MINDY2: variants seen among roughly 807,000 people sequenced by gnomAD.
MINDY2 encodes MINDY lysine 48 deubiquitinase 2.
A neutral mutation model predicts 68.2 loss-of-function variants in MINDY2; 52 were observed. The ratio of observed to expected loss-of-function variants is 0.76; its 90% CI spans 0.61 to 0.96. The LOEUF (loss-of-function observed/expected upper bound fraction) is 0.96, where lower values mean the gene tolerates loss of function less well. Ranked by LOEUF, MINDY2 falls within the 40% of genes least tolerant of loss-of-function variation. The pLI, the probability that MINDY2 is intolerant of heterozygous loss-of-function variation, is 0.00. For synonymous variants in MINDY2, 372 were observed against 303.0 expected (o/e 1.23, Z -2.36); for missense variants, 881 against 773.4 (o/e 1.14, Z -1.65).
intron 4 of MINDY2, among the ~76,000 whole-genome samples, chr15:58,819,029 T>C (rs2030887642): frequency 6.6e-6 from 1 of 152,160 alleles, no homozygotes; most frequent in African/African-American, 2.4e-5. Context: ...CCCAGGCTGA[T>C]GTGTAGTAGC....
Position 58,859,134 on chromosome 15 carries a change from G to A in MINDY2, c.*4524G>A, listed in dbSNP as rs392739. ...TTGTAGAATTTTCTTTGAGTATGGC[G>A]TGATCTCTTCCCAAATGCATTTTAC... On this transcript the variant is annotated 3_prime_UTR_variant, in exon 9 of 9. Transcript: ENST00000559228. 150,433 of 152,192 alleles carry A rather than the reference G, an allele frequency of 0.99. 74,371 individuals are homozygous for A. Among genetic ancestry groups the A allele is most frequent in the East Asian group, 1 (5,190 of 5,190 alleles). 9.4% of individuals were successfully genotyped at this position (152,192 alleles called of 1,614,324 possible).
In MINDY2 at chr15:58,793,064, G is replaced by GT. The variant is rs559335749; in HGVS notation, c.898+5102dup. Among the ~76,000 whole-genome samples, 287 of 152,334 alleles carry GT rather than the reference G, an allele frequency of 1.9e-3. 1 individual carries two copies. The highest frequency in any genetic ancestry group is 6.7e-3 in the African/African-American group (279 of 41,574). ...ATTTATAGAGACAGAAAGTAGATTA[G>GT]TGGTTGCTTAGGGCTGGGGAAGAGA... On this transcript the variant is annotated intron_variant, in intron 2 of 8. Coordinates refer to ENST00000559228, the MANE Select transcript of MINDY2 (RefSeq NM_001040450.3).
At chr15:58,841,844 A>G (rs1442362702) in intron 6 of MINDY2, among the ~76,000 whole-genome samples, 1 of 152,220 alleles carries the variant, frequency 6.6e-6, no homozygotes, top group Non-Finnish European at 1.5e-5. Flanking sequence ...GAAAGTGTAA[A>G]GATGGGTTGT....
chr15:58,833,385 T>G (rs2141024406), intron 6 of MINDY2, among the ~76,000 whole-genome samples: 1 of 152,116 alleles, frequency 6.6e-6, no homozygotes, highest in East Asian at 1.9e-4. Context: ...TGTTTCTCAT[T>G]AGGTGGAACA....
chr15:58,850,872 C>T (rs1171791431), intron 7 of MINDY2, among the ~76,000 whole-genome samples: 1 of 152,072 alleles, frequency 6.6e-6, no homozygotes, highest in Non-Finnish European at 1.5e-5. Context: ...TAGGTGTGTG[C>T]CGTTGTACCT....
intron 3 of MINDY2, among the ~76,000 whole-genome samples, chr15:58,806,702 C>G (rs563475958): frequency 1.6e-4 from 25 of 152,118 alleles, no homozygotes; most frequent in African/African-American, 5.8e-4. Flanking sequence ...CAAGAATTTA[C>G]AAAAATAGAG....
intron 6 of MINDY2, among the ~76,000 whole-genome samples, chr15:58,836,189 C>T (rs569039170): frequency 6.6e-6 from 1 of 151,730 alleles, no homozygotes; most frequent in Admixed American, 6.6e-5. Context: ...GGATTACAGG[C>T]GTGAGCGACC....
At chr15:58,813,979 C>T (rs1175490378) in intron 4 of MINDY2, among the ~76,000 whole-genome samples, 1 of 149,862 alleles carries the variant, frequency 6.7e-6, no homozygotes, top group Non-Finnish European at 1.5e-5. Flanking sequence ...ATTCTGTTGC[C>T]CAGGCTGGAG....
chr15:58,778,189 G>T (rs1900897985), intron 1 of MINDY2, among the ~76,000 whole-genome samples: 1 of 151,980 alleles, frequency 6.6e-6, no homozygotes, highest in African/African-American at 2.4e-5. Flanking sequence ...AAACTTACAT[G>T]TAACCTATAC....
intron 6 of MINDY2, among the ~76,000 whole-genome samples, chr15:58,837,335 G>C (rs911084559): frequency 3.9e-5 from 6 of 152,062 alleles, no homozygotes; most frequent in Non-Finnish European, 8.8e-5. Context: ...CACTTTGGGA[G>C]GCCAAGGCTG....
chr15:58,812,255 G>A (rs1243967124), intron 4 of MINDY2, among the ~76,000 whole-genome samples: 2 of 151,878 alleles, frequency 1.3e-5, no homozygotes, highest in Non-Finnish European at 2.9e-5. Context: ...GGCCAAGATG[G>A]TGAAACCCTG....
chr15:58,811,631 C>T (rs1325801032), intron 4 of MINDY2, among the ~76,000 whole-genome samples: 1 of 152,190 alleles, frequency 6.6e-6, no homozygotes, highest in African/African-American at 2.4e-5. Flanking sequence ...AGGAATACTA[C>T]CCCCAAGCTA....
chr15:58,858,463 G>C lies in MINDY2; in HGVS notation c.*3853G>C, dbSNP rs994497314. 12 of 152,104 alleles carry C rather than the reference G, an allele frequency of 7.9e-5. No homozygotes were observed. Among genetic ancestry groups the C allele is most frequent in the African/African-American group, 2.7e-4 (11 of 41,430 alleles). The allele number at this position is 152,104 out of a possible 1,614,324, so 9.4% of individuals were successfully genotyped here. A position where few individuals can be genotyped will look rare whatever the true frequency, so the allele number is the denominator to read the frequency against. ...CATTTTGCTTTCAATGAATCAGAAA[G>C]TCAATTCACTAAGAGACAGATCATG... On this transcript the variant is annotated 3_prime_UTR_variant, in exon 9 of 9. Coordinates refer to ENST00000559228, the MANE Select transcript of MINDY2 (RefSeq NM_001040450.3).
At chr15:58,828,216 TTAAAA>T (rs1240097561) in intron 5 of MINDY2, among the ~76,000 whole-genome samples, 1 of 152,120 alleles carries the variant, frequency 6.6e-6, no homozygotes, top group African/African-American at 2.4e-5. Context: ...GCATTTGTCA[TTAAAA>T]TAAATTGTTT....
intron 4 of MINDY2, among the ~76,000 whole-genome samples, chr15:58,816,618 CAG>C (rs1309851941): frequency 6.6e-6 from 1 of 152,008 alleles, no homozygotes; most frequent in Non-Finnish European, 1.5e-5. Context: ...AAACCAATGA[CAG>C]AGAATAGAGG....
intron 3 of MINDY2, among the ~76,000 whole-genome samples, chr15:58,803,032 C>A (rs769582095): frequency 3.3e-5 from 5 of 152,144 alleles, no homozygotes; most frequent in Non-Finnish European, 5.9e-5. Flanking sequence ...ATCGTTGGAA[C>A]CTTCATATTT....
intron 4 of MINDY2, among the ~76,000 whole-genome samples, chr15:58,816,282 A>G (rs1192902684): frequency 6.6e-6 from 1 of 152,238 alleles, no homozygotes; most frequent in African/African-American, 2.4e-5. Flanking sequence ...AAGTCTCAAC[A>G]TGTCCAGCAG....
intron 6 of MINDY2, among the ~76,000 whole-genome samples, chr15:58,836,237 CTTTT>C (rs778968248): frequency 7.1e-6 from 1 of 140,354 alleles, no homozygotes. Context: ...AACTATAATT[CTTTT>C]TTTTTTTTTT....
chr15:58,789,057 G>A (rs1221885180), intron 2 of MINDY2, among the ~76,000 whole-genome samples: 3 of 151,678 alleles, frequency 2.0e-5, no homozygotes, highest in African/African-American at 7.3e-5. Flanking sequence ...GTCAACTGGG[G>A]CCGGGCACGG....
Sources: gnomAD v4.1 joint callset for allele counts (sites outside exome capture counted in the v4.1 genomes callset) on GRCh38, gnomAD v4.1.1 for gene constraint, MANE v1.5 for transcripts, NCBI Gene and HGNC (gene_info 2026-07-23, HGNC 2026-07-21) for gene names.